Variants in MATN2 observed in about 807,000 individuals in gnomAD.
MATN2 encodes the protein matrilin-2.
Under a neutral mutation model 103.2 loss-of-function variants are expected in MATN2, and 69 were observed. That is an observed-to-expected ratio of 0.67 (90% CI 0.55 to 0.82). The LOEUF (loss-of-function observed/expected upper bound fraction) is 0.82, where lower values mean the gene tolerates loss of function less well. Ranked by LOEUF, MATN2 falls within the 40% of genes least tolerant of loss-of-function variation. The pLI is 0.00. For missense variants in MATN2, 1,023 were observed against 1,211.5 expected, an observed-to-expected ratio of 0.84 and a Z score of 2.31; for synonymous variants, 429 against 450.2, an observed-to-expected ratio of 0.95 and a Z score of 0.60.
intron 16 of MATN2, among the ~76,000 whole-genome samples, 176 bp from the exon 17 acceptor site, chr8:98,032,864 TTG>T (rs1814093332): frequency 6.9e-6 from 1 of 144,888 alleles, no homozygotes; most frequent in African/African-American, 2.9e-5. Flanking sequence ...TTGTTGTTTT[TTG>T]TTTTTTTAAT....
chr8:97,924,590 C>T (rs1292505571), intron 2 of MATN2, among the ~76,000 whole-genome samples: 4 of 152,198 alleles, frequency 2.6e-5, no homozygotes, highest in Non-Finnish European at 4.4e-5. Flanking sequence ...TTCATTCTCC[C>T]CCTGGCCCTT....
intron 5 of MATN2, among the ~76,000 whole-genome samples, chr8:97,963,852 A>AT (rs1483202570): frequency 6.6e-6 from 1 of 152,172 alleles, no homozygotes; most frequent in African/African-American, 2.4e-5. Flanking sequence ...GAGTGAGATG[A>AT]TTAAGCAGGC....
chr8:98,013,717 C>G (rs1020449635), intron 10 of MATN2, among the ~76,000 whole-genome samples: 2 of 152,190 alleles, frequency 1.3e-5, no homozygotes, highest in African/African-American at 4.8e-5. Context: ...TATTTATCTG[C>G]CTTTAAGTAT....
intron 2 of MATN2, among the ~76,000 whole-genome samples, chr8:97,901,400 G>A (rs1440671493): frequency 4.6e-5 from 7 of 152,012 alleles, no homozygotes; most frequent in African/African-American, 7.2e-5. Context: ...TTACAGGCAC[G>A]CACCACCACA....
rs555150118 is a variant in MATN2, at chr8:98,030,603, G to A, written c.2498G>A (p.Gly833Asp). 1 of 1,613,814 alleles carries A rather than the reference G, an allele frequency of 6.2e-7. No homozygotes were observed. The highest frequency in any genetic ancestry group is 2.2e-5 in the East Asian group (1 of 44,884). ...MDEISEKLKK[G>D]ICEALEDSDG... ...GAGATAAGTGAAAAACTCAAGAAAG[G>A]CATCTGTGAAGGTACTATAGCTTAC... Residue 833 changes from glycine (G) to aspartate (D), a missense_variant, in exon 15 of 19, where the codon GGC becomes GAC. By Grantham distance (94) the Gly-to-Asp change is moderately conservative (BLOSUM62 -1). Transcript: ENST00000254898.
rs571171378 is a variant in MATN2, at chr8:97,938,087, A to G, written c.713-3690A>G. Among the ~76,000 whole-genome samples the G allele has an allele frequency of 2.6e-5, 4 of 152,286 alleles. No individual in the cohort carries two copies. The South Asian group carries it at 8.3e-4, about 32-fold the overall frequency. Reference sequence around the variant, plus strand: ...TTTGTCTGTTAGGGTCTCACCAAGAAGACAGGCACCAGGTACATCACTTGG... The same window carrying G: ...TTTGTCTGTTAGGGTCTCACCAAGAGGACAGGCACCAGGTACATCACTTGG... On this transcript the variant is annotated intron_variant, in intron 3 of 18. Coordinates refer to ENST00000254898, the MANE Select transcript of MATN2 (RefSeq NM_002380.5).
chr8:98,003,291 ACTC>A (rs1165840903), intron 7 of MATN2, among the ~76,000 whole-genome samples: 1 of 150,592 alleles, frequency 6.6e-6, no homozygotes, highest in Non-Finnish European at 1.5e-5. Context: ...TACCTATGGA[ACTC>A]CTCCTCCTCC....
chr8:97,919,532 G>A (rs543996918), intron 2 of MATN2, among the ~76,000 whole-genome samples: 3 of 152,166 alleles, frequency 2.0e-5, no homozygotes, highest in South Asian at 4.1e-4. Flanking sequence ...ATGCCCAGCC[G>A]TCCCCACCTC....
At chr8:97,963,447 G>GA (rs1438794023) in intron 5 of MATN2, among the ~76,000 whole-genome samples, 3 of 152,140 alleles carry the variant, frequency 2.0e-5, no homozygotes, top group African/African-American at 7.2e-5. Context: ...GGAGGCCACT[G>GA]AAAAACCCAT....
In MATN2 at chr8:97,952,739, A is replaced by G. The variant is rs16896455; in HGVS notation, c.836-8669A>G. 9.4e-3 allele frequency among the ~76,000 whole-genome samples: 1,433 copies of G among 152,218 alleles called. 23 individuals carry two copies. Among genetic ancestry groups the G allele is most frequent in the African/African-American group, 0.033 (1,381 of 41,504 alleles). On this transcript the variant is annotated intron_variant, in intron 4 of 18. Coordinates refer to ENST00000254898, the MANE Select transcript of MATN2 (RefSeq NM_002380.5). Reference sequence around the variant, plus strand: ...GAGCAGATTTTGCTGACTGTCAGATACATGCTAATGGTAGCTCCCTGGCAA... The same window carrying G: ...GAGCAGATTTTGCTGACTGTCAGATGCATGCTAATGGTAGCTCCCTGGCAA...
At chr8:97,904,056 T>C (rs1434428793) in intron 2 of MATN2, among the ~76,000 whole-genome samples, 4 of 152,246 alleles carry the variant, frequency 2.6e-5, no homozygotes, top group Admixed American at 6.5e-5. Context: ...TGTTTTTGTA[T>C]TTAGATTCAT....
At chr8:97,875,340 G>A (rs978783465) in intron 1 of MATN2, among the ~76,000 whole-genome samples, 2 of 152,172 alleles carry the variant, frequency 1.3e-5, no homozygotes, top group Non-Finnish European at 2.9e-5. Context: ...GCAGCTCTCA[G>A]GTCTCTCAGT....
At chr8:98,028,173 A>G (rs1813880424) in intron 14 of MATN2, among the ~76,000 whole-genome samples, 1 of 152,244 alleles carries the variant, frequency 6.6e-6, no homozygotes, top group South Asian at 2.1e-4. Flanking sequence ...GGCTTGCTCT[A>G]GAATCAACTG....
At chr8:97,895,315 C>A (rs1273559095) in intron 2 of MATN2, among the ~76,000 whole-genome samples, 1 of 152,214 alleles carries the variant, frequency 6.6e-6, no homozygotes, top group Non-Finnish European at 1.5e-5. Flanking sequence ...GCTCTCCGAC[C>A]AACCCGTGGA....
At chr8:97,920,636 G>GTC (rs1355324577) in intron 2 of MATN2, among the ~76,000 whole-genome samples, 6 of 152,188 alleles carry the variant, frequency 3.9e-5, no homozygotes, top group Non-Finnish European at 7.3e-5. Context: ...TGTCAGGAGA[G>GTC]TCTCTCTCTG....
intron 2 of MATN2, among the ~76,000 whole-genome samples, chr8:97,922,546 G>A (rs1480358362): frequency 6.6e-6 from 1 of 152,230 alleles, no homozygotes; most frequent in Non-Finnish European, 1.5e-5. Flanking sequence ...CTAAGACCAG[G>A]TTGGTAGAAG....
Position 97,931,380 on chromosome 8 carries a change from A to C in MATN2, c.570A>C (p.Leu190=). Reference sequence around the variant, plus strand: ...CTAAGGCACGGGACACGGGCATCCTAATCTTTGCCATTGGTGTGGGCCAGG... The same window carrying C: ...CTAAGGCACGGGACACGGGCATCCTCATCTTTGCCATTGGTGTGGGCCAGG... ...VAAKARDTGI[L]IFAIGVGQVD... Residue 190 remains leucine, a synonymous_variant, in exon 3 of 19, where the codon CTA becomes CTC. Coordinates refer to ENST00000254898, the MANE Select transcript of MATN2 (RefSeq NM_002380.5). This position sits in a 1 kb window ranked among gnomAD's most constrained non-coding sequence, Gnocchi z 4.1. 6.2e-7 allele frequency: 1 copy of C among 1,613,846 alleles called. No individual in the cohort carries two copies. Among genetic ancestry groups the C allele is most frequent in the East Asian group, 2.2e-5 (1 of 44,866 alleles).
Position 97,982,210 on chromosome 8 carries a change from A to G in MATN2, c.1081+3202A>G, listed in dbSNP as rs1210674780. Among the ~76,000 whole-genome samples the G allele has an allele frequency of 6.6e-6, 1 of 152,220 alleles. No homozygotes were observed. Among genetic ancestry groups the G allele is most frequent in the African/African-American group, 2.4e-5 (1 of 41,452 alleles). ...GAGTACTTGGAAAGCTAAGAGTAGA[A>G]AATAAGGCAAAAGCCCAGTCGTAAG... is the stretch of plus-strand genomic sequence containing the variant. On this transcript the variant is annotated intron_variant, in intron 6 of 18. Transcript: ENST00000254898. The surrounding 1 kb of genome is among the most constrained non-coding windows in gnomAD (Gnocchi z 4.3).
At chr8:97,897,316 A>G (rs1818847619) in intron 2 of MATN2, among the ~76,000 whole-genome samples, 1 of 152,266 alleles carries the variant, frequency 6.6e-6, no homozygotes. Flanking sequence ...GAAAGACAAT[A>G]CAAGATGAGT....
Sources: allele counts gnomAD v4.1 joint callset (sites outside exome capture counted in the v4.1 genomes callset), GRCh38; gene constraint gnomAD v4.1.1; non-coding constraint Gnocchi (gnomAD v3.1); transcripts MANE v1.5; gene names NCBI Gene and HGNC (gene_info 2026-07-23, HGNC 2026-07-21).